The following FBXL17 variants were observed in gnomAD, a reference collection of about 807,000 sequenced individuals.
FBXL17 encodes the protein F-box/LRR-repeat protein 17.
FBXL17 carries 22 observed loss-of-function variants against 66.2 expected under a neutral mutation model. That is an observed-to-expected ratio of 0.33 (90% CI 0.24 to 0.47). The LOEUF is 0.47. Among genes scored for constraint, FBXL17 ranks in the 20% least tolerant of loss-of-function variants. FBXL17 has a pLI of 1.00. For missense variants in FBXL17, 878 were observed against 948.2 expected, an observed-to-expected ratio of 0.93 and a Z score of 0.97; for synonymous variants, 474 against 400.5, an observed-to-expected ratio of 1.18 and a Z score of -2.19.
chr5:108,055,291 A>G (rs1432395690), intron 6 of FBXL17, among the ~76,000 whole-genome samples: 1 of 61,270 alleles, frequency 1.6e-5, no homozygotes, highest in Non-Finnish European at 3.0e-5. Flanking sequence ...AAAAAAAAAA[A>G]AAAAAAAAAA....
intron 6 of FBXL17, among the ~76,000 whole-genome samples, chr5:108,167,362 T>C (rs901961895): frequency 3.9e-5 from 6 of 152,222 alleles, no homozygotes; most frequent in African/African-American, 1.2e-4. Flanking sequence ...TAATGATTCA[T>C]GCTCAAGGTG....
At chr5:107,876,942 G>C (rs775022517) in intron 8 of FBXL17, among the ~76,000 whole-genome samples, 1 of 152,162 alleles carries the variant, frequency 6.6e-6, no homozygotes, top group Non-Finnish European at 1.5e-5. Context: ...TAAATCACCA[G>C]ATAAATGTGA....
intron 3 of FBXL17, among the ~76,000 whole-genome samples, chr5:108,349,318 A>G (rs1325014907): frequency 6.6e-6 from 1 of 152,220 alleles, no homozygotes; most frequent in Non-Finnish European, 1.5e-5. Flanking sequence ...AGGGACTGAA[A>G]TACATACCAA....
At chr5:108,292,919 T>C (rs990580797) in intron 4 of FBXL17, among the ~76,000 whole-genome samples, 1 of 151,892 alleles carries the variant, frequency 6.6e-6, no homozygotes, top group Admixed American at 6.6e-5. Context: ...TGAAACCCCA[T>C]CTCTACTAAA....
At chr5:107,955,524 A>G (rs925343214) in intron 7 of FBXL17, among the ~76,000 whole-genome samples, 1 of 152,198 alleles carries the variant, frequency 6.6e-6, no homozygotes, top group Admixed American at 6.5e-5. Context: ...TCCAAAGGAG[A>G]TGAATGAGAT....
At chr5:108,025,106 A>G (rs994007644) in intron 6 of FBXL17, among the ~76,000 whole-genome samples, 3 of 152,202 alleles carry the variant, frequency 2.0e-5, no homozygotes, top group African/African-American at 7.2e-5. Flanking sequence ...ACAATTGAAA[A>G]GAACTAATGA....
chr5:107,943,094 C>T (rs556218524), intron 7 of FBXL17, among the ~76,000 whole-genome samples: 5 of 152,104 alleles, frequency 3.3e-5, no homozygotes, highest in Non-Finnish European at 5.9e-5. Context: ...CTTGGTATCA[C>T]GTAAATGTAG....
At chr5:108,371,804 A>C (rs912359768) in intron 1 of FBXL17, among the ~76,000 whole-genome samples, 2 of 152,242 alleles carry the variant, frequency 1.3e-5, no homozygotes, top group African/African-American at 4.8e-5. Context: ...TACAGAGATT[A>C]AACAGATTAG....
chr5:107,863,881 C>T (rs1046294467), intron 8 of FBXL17, among the ~76,000 whole-genome samples: 1 of 152,154 alleles, frequency 6.6e-6, no homozygotes. Flanking sequence ...CACCCCTTCC[C>T]AGTGCACCAT....
At chr5:108,047,351 T>A (rs1293320928) in intron 6 of FBXL17, among the ~76,000 whole-genome samples, 1 of 152,212 alleles carries the variant, frequency 6.6e-6, no homozygotes. Context: ...CACGGGGACC[T>A]AGGGTCCCAA....
At chr5:108,017,366 A>T (rs554880494) in intron 7 of FBXL17, among the ~76,000 whole-genome samples, 1 of 152,194 alleles carries the variant, frequency 6.6e-6, no homozygotes. Context: ...ATGTAGGTCA[A>T]ATTTCTAAAT....
At chr5:108,362,478 A>C (rs940892624) in intron 3 of FBXL17, among the ~76,000 whole-genome samples, 1 of 152,126 alleles carries the variant, frequency 6.6e-6, no homozygotes, top group Admixed American at 6.6e-5. Context: ...TCTTAAATAG[A>C]TTTTTCCTCT....
intron 5 of FBXL17, among the ~76,000 whole-genome samples, 185 bp downstream of exon 5, chr5:108,223,936 T>C (rs1754982282): frequency 6.6e-6 from 1 of 152,218 alleles, no homozygotes; most frequent in Non-Finnish European, 1.5e-5. Flanking sequence ...CTTGTTTAAA[T>C]GAGTATTCCA....
At chr5:108,074,952 G>C (rs10071475) in intron 6 of FBXL17, among the ~76,000 whole-genome samples, 1 of 151,988 alleles carries the variant, frequency 6.6e-6, no homozygotes, top group Admixed American at 6.6e-5. Flanking sequence ...TAAACACTTA[G>C]AGAAATGTCT....
At chr5:107,975,856 T>TGTTG in intron 7 of FBXL17, among the ~76,000 whole-genome samples, 2 of 62,642 alleles carry the variant, frequency 3.2e-5, no homozygotes, top group Admixed American at 1.6e-4. Flanking sequence ...TTGTTGTTGT[T>TGTTG]GTTTTTTTTT....
At position 108,248,233 on chromosome 5, in the gene FBXL17, A is replaced by G. The variant is rs538583817; in HGVS notation, c.1507-24005T>C. 1.1e-4 allele frequency among the ~76,000 whole-genome samples: 16 copies of G among 152,260 alleles called. 1 individual carries two copies. The South Asian group carries it at 3.3e-3, about 32-fold the overall frequency. ...AGACATACTTGAAGCAAACAAACAAACACTCTCAGTAAATAAGTAGATGAT... is the reference window on the plus strand; with the variant it reads ...AGACATACTTGAAGCAAACAAACAAGCACTCTCAGTAAATAAGTAGATGAT... On this transcript the variant is annotated intron_variant, in intron 4 of 8. Coordinates refer to ENST00000542267, the MANE Select transcript of FBXL17 (RefSeq NM_001163315.3).
intron 4 of FBXL17, among the ~76,000 whole-genome samples, chr5:108,306,106 T>C (rs1041621133): frequency 2.0e-5 from 3 of 152,116 alleles, no homozygotes; most frequent in African/African-American, 7.2e-5. Flanking sequence ...ATACATGAAT[T>C]GCATATTTTT....
chr5:107,979,578 C>CT (rs892953724), intron 7 of FBXL17, among the ~76,000 whole-genome samples: 32 of 152,320 alleles, frequency 2.1e-4, no homozygotes, highest in African/African-American at 7.7e-4. Flanking sequence ...ACTCCAGAGT[C>CT]TGACAGCTGT....
At chr5:108,162,981 C>G (rs1752271466) in intron 6 of FBXL17, among the ~76,000 whole-genome samples, 1 of 152,078 alleles carries the variant, frequency 6.6e-6, no homozygotes, top group Non-Finnish European at 1.5e-5. Flanking sequence ...CAGTGCCTAA[C>G]ATATTAAAAA....
Sources: gnomAD v4.1 joint callset for allele counts (sites outside exome capture counted in the v4.1 genomes callset) on GRCh38, gnomAD v4.1.1 for gene constraint, MANE v1.5 for transcripts, NCBI Gene and HGNC (gene_info 2026-07-23, HGNC 2026-07-21) for gene names.